TNKS: variants seen among roughly 807,000 people sequenced by gnomAD.
The protein encoded by TNKS is poly [ADP-ribose] polymerase tankyrase-1.
TNKS carries 72 observed loss-of-function variants against 135.8 expected under a neutral mutation model. That is an observed-to-expected ratio of 0.53 (90% CI 0.44 to 0.64). The LOEUF (loss-of-function observed/expected upper bound fraction) is 0.64. Among genes scored for constraint, TNKS ranks in the 30% least tolerant of loss-of-function variants. The probability of loss-of-function intolerance (pLI) is 0.00; values close to 1 mark genes in which losing one functional copy is unlikely to be tolerated. For synonymous variants in TNKS, 849 were observed against 649.3 expected (o/e 1.31, Z -4.68); for missense variants, 1,769 against 1,674.0 (o/e 1.06, Z -0.99).
intron 2 of TNKS, among the ~76,000 whole-genome samples, chr8:9,594,154 TAGGATTAC>T (rs1295125473): frequency 6.6e-6 from 1 of 152,196 alleles, no homozygotes; most frequent in East Asian, 1.9e-4. Flanking sequence ...CCCAAAGTGC[TAGGATTAC>T]AGGCATGAGC....
intron 18 of TNKS, among the ~76,000 whole-genome samples, chr8:9,749,984 T>A (rs962912167): frequency 1.3e-5 from 2 of 152,170 alleles, no homozygotes; most frequent in Admixed American, 6.6e-5. Context: ...GGATTTCCCA[T>A]CAAATTACAC....
At chr8:9,716,340 A>G (rs1804597870) in intron 11 of TNKS, among the ~76,000 whole-genome samples, 1 of 152,170 alleles carries the variant, frequency 6.6e-6, no homozygotes, top group South Asian at 2.1e-4. Flanking sequence ...TAAAGATACT[A>G]TAGCTCTAAA....
At chr8:9,702,989 C>T (rs538686530) in intron 5 of TNKS, among the ~76,000 whole-genome samples, 5 of 152,260 alleles carry the variant, frequency 3.3e-5, no homozygotes, top group Non-Finnish European at 5.9e-5. Context: ...GCACTCCAGC[C>T]TGGGCAACAG....
At chr8:9,708,784 T>C (rs117250987) in intron 9 of TNKS, among the ~76,000 whole-genome samples, 7 of 152,268 alleles carry the variant, frequency 4.6e-5, no homozygotes, top group African/African-American at 1.7e-4. Flanking sequence ...CTACAAGATA[T>C]GATTTTTCAA....
At chr8:9,672,427 G>T (rs1318484390) in intron 3 of TNKS, among the ~76,000 whole-genome samples, 1 of 151,866 alleles carries the variant, frequency 6.6e-6, no homozygotes, top group Non-Finnish European at 1.5e-5. Flanking sequence ...TGACAGCTGT[G>T]CTGTGTAGCT....
intron 3 of TNKS, among the ~76,000 whole-genome samples, chr8:9,664,391 A>C (rs939376162): frequency 2.6e-5 from 4 of 152,192 alleles, no homozygotes; most frequent in Non-Finnish European, 5.9e-5. Context: ...GCACCTTCCA[A>C]CGCAAATTAA....
At chr8:9,671,458 A>G (rs894438268) in intron 3 of TNKS, among the ~76,000 whole-genome samples, 7 of 152,218 alleles carry the variant, frequency 4.6e-5, no homozygotes, top group Non-Finnish European at 5.9e-5. Flanking sequence ...GTCCAACAAC[A>G]TGGACGAAAC....
At chr8:9,572,137 C>T (rs1156641260) in intron 1 of TNKS, among the ~76,000 whole-genome samples, 4 of 152,120 alleles carry the variant, frequency 2.6e-5, no homozygotes, top group African/African-American at 9.7e-5. Context: ...CATTTTTTGT[C>T]ATGAGTGTTT....
At chr8:9,619,399 C>T (rs1358842574) in intron 3 of TNKS, among the ~76,000 whole-genome samples, 1 of 152,104 alleles carries the variant, frequency 6.6e-6, no homozygotes, top group Non-Finnish European at 1.5e-5. Flanking sequence ...GAGGTAAGAG[C>T]AGATTGAGCC....
chr8:9,560,493 C>CTCTTT (rs1797281030), intron 1 of TNKS, among the ~76,000 whole-genome samples: 5 of 42,286 alleles, frequency 1.2e-4, no homozygotes, highest in African/African-American at 4.8e-4. Flanking sequence ...CCATACTTGT[C>CTCTTT]TTTTTTTTTT....
intron 3 of TNKS, among the ~76,000 whole-genome samples, chr8:9,659,478 A>G (rs1377378076): frequency 6.6e-6 from 1 of 152,216 alleles, no homozygotes; most frequent in South Asian, 2.1e-4. Flanking sequence ...CCTGCTCCCT[A>G]ATGACTACTG....
intron 5 of TNKS, among the ~76,000 whole-genome samples, chr8:9,695,149 G>A (rs566225848): frequency 2.0e-5 from 3 of 152,194 alleles, no homozygotes; most frequent in South Asian, 2.1e-4. Flanking sequence ...TGCTCAGTGG[G>A]GAAATCAAAA....
At chr8:9,688,817 T>A (rs774877695) in intron 5 of TNKS, among the ~76,000 whole-genome samples, 2 of 152,090 alleles carry the variant, frequency 1.3e-5, no homozygotes, top group Non-Finnish European at 2.9e-5. Flanking sequence ...TTTTTTGTAT[T>A]TTTAGTAGAG....
chr8:9,689,031 A>T (rs1021187822), intron 5 of TNKS, among the ~76,000 whole-genome samples: 2 of 152,140 alleles, frequency 1.3e-5, no homozygotes, highest in African/African-American at 4.8e-5. Context: ...ATATTACCTC[A>T]CAAAGACCCT....
chr8:9,569,837 C>G (rs1342467099), intron 1 of TNKS, among the ~76,000 whole-genome samples: 1 of 151,998 alleles, frequency 6.6e-6, no homozygotes, highest in Non-Finnish European at 1.5e-5. Context: ...TTGTTAAAGT[C>G]ATTGTGAATA....
intron 2 of TNKS, among the ~76,000 whole-genome samples, chr8:9,592,725 G>A (rs528752914): frequency 6.4e-4 from 97 of 152,274 alleles, no homozygotes; most frequent in African/African-American, 2.2e-3. Context: ...CAGTTCACTG[G>A]AAGAAGGCTT....
chr8:9,598,751 GTA>G lies in TNKS; in HGVS notation c.899-16827_899-16826del, dbSNP rs1181273309. Among the ~76,000 whole-genome samples the G allele has an allele frequency of 6.4e-5, 6 of 93,544 alleles. No homozygotes were observed. The East Asian group carries it at 9.8e-4, about 15-fold the overall frequency. The allele number at this position is 93,544 out of a possible 152,430, so 61.4% of individuals were successfully genotyped here. On this transcript the variant is annotated intron_variant, in intron 2 of 26. Transcript: ENST00000310430. ...TGTGTGTGTCTGTGTGTGTATATAT[GTA>G]TATGTGTGTGTGTATATATATATAT...
At chr8:9,562,698 C>T (rs755419521) in intron 1 of TNKS, among the ~76,000 whole-genome samples, 2 of 152,122 alleles carry the variant, frequency 1.3e-5, no homozygotes, top group Non-Finnish European at 2.9e-5. Context: ...TTACTTACCT[C>T]TTCTATGTTG....
intron 2 of TNKS, among the ~76,000 whole-genome samples, chr8:9,588,883 G>T (rs537709671): frequency 6.6e-6 from 1 of 152,258 alleles, no homozygotes; most frequent in East Asian, 1.9e-4. Context: ...AAACCCCATA[G>T]CCTTATTTCA....
Sources: allele counts gnomAD v4.1 joint callset (sites outside exome capture counted in the v4.1 genomes callset), GRCh38; gene constraint gnomAD v4.1.1; transcripts MANE v1.5; gene names NCBI Gene and HGNC (gene_info 2026-07-23, HGNC 2026-07-21).